Variants in DAB1 observed in about 807,000 individuals in gnomAD.
The protein encoded by DAB1 is DAB adaptor protein 1.
Under a neutral mutation model 64.6 loss-of-function variants are expected in DAB1, and 15 were observed. That is an observed-to-expected ratio of 0.23 (90% confidence interval 0.16 to 0.36). The LOEUF (loss-of-function observed/expected upper bound fraction) is 0.36, where lower values mean the gene tolerates loss of function less well. DAB1 is among the 10% of genes least tolerant of loss of function. The pLI, the probability that DAB1 is intolerant of heterozygous loss-of-function variation, is 1.00. For synonymous variants in DAB1, 235 were observed against 251.9 expected, an observed-to-expected ratio of 0.93 and a Z score of 0.64; for missense variants, 596 against 706.7, an observed-to-expected ratio of 0.84 and a Z score of 1.78.
chr1:58,199,963 A>C (rs1410118420), intron 4 of DAB1, among the ~76,000 whole-genome samples: 2 of 152,166 alleles, frequency 1.3e-5, no homozygotes, highest in African/African-American at 4.8e-5. Context: ...ACGGGGAAAG[A>C]GAGCAGGGGC....
At chr1:57,790,044 T>C (rs1037548977) in intron 6 of DAB1, among the ~76,000 whole-genome samples, 3 of 152,116 alleles carry the variant, frequency 2.0e-5, no homozygotes, top group Admixed American at 6.6e-5. Flanking sequence ...GGGAAAGCCA[T>C]AGAAGCAGCA....
intron 1 of DAB1, among the ~76,000 whole-genome samples, chr1:57,877,093 TATG>T (rs771959215): frequency 4.7e-4 from 72 of 152,220 alleles, no homozygotes; most frequent in Non-Finnish European, 4.9e-4. Context: ...TACTTGAAAA[TATG>T]ATTACATTTA....
rs116633258 is a variant in DAB1 at position 58,280,504 on chromosome 1, G to T, written n.309+62848C>A. Among the ~76,000 whole-genome samples, 1,101 of 152,260 alleles carry T rather than the reference G, an allele frequency of 7.2e-3. 16 individuals are homozygous for T. Among genetic ancestry groups the T allele is most frequent in the African/African-American group, 0.025 (1,050 of 41,534 alleles). The stretch of plus-strand genomic sequence containing the variant: ...GGATCGTAGCAATGCTACCTCATAG[G>T]ATTGTCATAAAGACAAACATGTAAA... On this transcript the variant is annotated intron_variant and non_coding_transcript_variant, in intron 4 of 20. Transcript: ENST00000485760.
intron 2 of DAB1, among the ~76,000 whole-genome samples, chr1:57,286,668 T>C (rs2100649250): frequency 6.6e-6 from 1 of 152,324 alleles, no homozygotes; most frequent in Non-Finnish European, 1.5e-5. Context: ...CAGCATTTCA[T>C]TCCTACCAAA....
intron 4 of DAB1, among the ~76,000 whole-genome samples, chr1:58,250,461 TAGCAACAGCAGCAGTAGCAGCAGC>T (rs1473824655): frequency 6.6e-6 from 1 of 152,144 alleles, no homozygotes; most frequent in African/African-American, 2.4e-5. Flanking sequence ...GAGGCAGCGG[TAGCAACAGCAGCAGTAGCAGCAGC>T]AGCAGCAGTA....
intron 2 of DAB1, among the ~76,000 whole-genome samples, chr1:57,247,639 G>C (rs1275381302): frequency 6.6e-6 from 1 of 152,190 alleles, no homozygotes; most frequent in African/African-American, 2.4e-5. Context: ...AAACCCCTAA[G>C]GGCACAGCTC....
chr1:57,671,563 C>T (rs754893957), intron 6 of DAB1, among the ~76,000 whole-genome samples: 6 of 152,062 alleles, frequency 3.9e-5, no homozygotes, highest in Non-Finnish European at 8.8e-5. Context: ...TGACCTTTCA[C>T]GAGGTGACTC....
chr1:58,530,160 C>T (rs1569960344), intron 1 of DAB1, among the ~76,000 whole-genome samples: 1 of 152,164 alleles, frequency 6.6e-6, no homozygotes. Flanking sequence ...AGATTACAGG[C>T]ATGAGCCACG....
intron 2 of DAB1, among the ~76,000 whole-genome samples, chr1:57,222,642 A>G (rs745476318): frequency 2.6e-5 from 4 of 152,184 alleles, no homozygotes; most frequent in Non-Finnish European, 5.9e-5. Context: ...TCACAATGCC[A>G]GGGAATCTGG....
At chr1:58,412,772 C>G (rs961764582) in intron 3 of DAB1, among the ~76,000 whole-genome samples, 5 of 152,230 alleles carry the variant, frequency 3.3e-5, no homozygotes, top group African/African-American at 1.2e-4. Flanking sequence ...CAGGAGGATT[C>G]AAACCCCAGT....
chr1:58,526,770 T>C (rs1386154656), intron 2 of DAB1, among the ~76,000 whole-genome samples: 3 of 152,130 alleles, frequency 2.0e-5, no homozygotes, highest in Non-Finnish European at 4.4e-5. Context: ...ACCTGTTTAC[T>C]CAAAAAGCCT....
chr1:57,324,323 T>G (rs996606319), intron 1 of DAB1, among the ~76,000 whole-genome samples: 3 of 152,196 alleles, frequency 2.0e-5, no homozygotes, highest in African/African-American at 4.8e-5. Context: ...CTACCAGATA[T>G]CCTAACTTAA....
At position 57,356,612 on chromosome 1, in the gene DAB1, T is replaced by G. The variant is rs531159952; in HGVS notation, c.-136-65446A>C. On this transcript the variant is annotated intron_variant, in intron 1 of 14. Coordinates refer to ENST00000371236, the MANE Select transcript of DAB1 (RefSeq NM_001365792.1). ...TCATCAGTTCAGAAAATAAATAATC[T>G]CCCTAGGATATTTCTAAGTATTGCA... is the stretch of plus-strand genomic sequence containing the variant. 3.3e-5 allele frequency among the ~76,000 whole-genome samples: 5 copies of G among 152,090 alleles called. No homozygotes were observed. The South Asian group carries it at 1.0e-3, about 32-fold the overall frequency.
At chr1:57,939,547 T>TCTAACCAACTC (rs1645073742) in intron 5 of DAB1, among the ~76,000 whole-genome samples, 2 of 152,214 alleles carry the variant, frequency 1.3e-5, no homozygotes, top group Non-Finnish European at 2.9e-5. Flanking sequence ...CTTGCTTTCA[T>TCTAACCAACTC]CTAACCAACT....
chr1:57,113,966 A>G (rs1249735706), intron 4 of DAB1, among the ~76,000 whole-genome samples: 4 of 152,156 alleles, frequency 2.6e-5, no homozygotes, highest in African/African-American at 4.8e-5. Flanking sequence ...GTACAGTTCA[A>G]CTCTAGGATG....
At chr1:58,167,729 G>A (rs1240273173) in intron 4 of DAB1, among the ~76,000 whole-genome samples, 6 of 152,260 alleles carry the variant, frequency 3.9e-5, no homozygotes, top group East Asian at 1.9e-4. Context: ...GTGAAACCAC[G>A]AACCCACCAG....
At chr1:57,790,204 G>A (rs1408853633) in intron 6 of DAB1, among the ~76,000 whole-genome samples, 2 of 152,164 alleles carry the variant, frequency 1.3e-5, no homozygotes, top group African/African-American at 4.8e-5. Flanking sequence ...CAGTGTCATG[G>A]GAGGGACCTA....
chr1:58,413,988 G>C (rs1190201183), intron 3 of DAB1, among the ~76,000 whole-genome samples: 1 of 152,162 alleles, frequency 6.6e-6, no homozygotes, highest in Non-Finnish European at 1.5e-5. Flanking sequence ...GTAGCATATT[G>C]CTTCTAAGCT....
intron 4 of DAB1, among the ~76,000 whole-genome samples, chr1:58,308,994 C>T (rs1467617144): frequency 1.3e-5 from 2 of 151,968 alleles, no homozygotes; most frequent in South Asian, 4.1e-4. Context: ...ATCTTGTGGT[C>T]CAATGAGTGA....
Sources: gnomAD v4.1 joint callset for allele counts (sites outside exome capture counted in the v4.1 genomes callset) on GRCh38, gnomAD v4.1.1 for gene constraint, MANE v1.5 for transcripts, NCBI Gene and HGNC (gene_info 2026-07-23, HGNC 2026-07-21) for gene names.